Variants in IQCM observed in about 807,000 individuals in gnomAD.
IQCM encodes IQ motif containing M.
Under a neutral mutation model 57.6 loss-of-function variants are expected in IQCM, and 45 were observed. That is an observed-to-expected ratio of 0.78 (90% CI 0.62 to 1.00). The LOEUF is 1.00. Ranked by LOEUF, IQCM falls within the 50% of genes least tolerant of loss-of-function variation. The pLI, the probability that IQCM is intolerant of heterozygous loss-of-function variation, is 0.00. For missense variants in IQCM, 468 were observed against 511.6 expected (o/e 0.91, Z 0.82); for synonymous variants, 148 against 158.9 (o/e 0.93, Z 0.51).
At chr4:149,481,701 G>GTTTTTTGTT (rs1553975386) in intron 12 of IQCM, among the ~76,000 whole-genome samples, 1 of 51,550 alleles carries the variant, frequency 1.9e-5, no homozygotes, top group Non-Finnish European at 3.7e-5. Context: ...TTCCAGTTTT[G>GTTTTTTGTT]TTTTTTTTTT....
chr4:149,670,566 G>T (rs1561134580), intron 7 of IQCM, among the ~76,000 whole-genome samples: 1 of 152,080 alleles, frequency 6.6e-6, no homozygotes, highest in Non-Finnish European at 1.5e-5. Context: ...GTTTTCAAAG[G>T]GAATGTTTCC....
intron 2 of IQCM, among the ~76,000 whole-genome samples, chr4:149,744,947 T>C (rs1215242555): frequency 6.6e-6 from 1 of 152,086 alleles, no homozygotes; most frequent in Non-Finnish European, 1.5e-5. Flanking sequence ...TATAAATCCG[T>C]GAGTACTATG....
intron 7 of IQCM, among the ~76,000 whole-genome samples, chr4:149,662,825 CAT>C (rs1184344218): frequency 1.7e-4 from 26 of 152,092 alleles, no homozygotes; most frequent in Admixed American, 1.3e-4. Context: ...TTATTGGCAG[CAT>C]ACAGTTGGGT....
intron 2 of IQCM, among the ~76,000 whole-genome samples, chr4:149,750,790 A>G (rs1768363865): frequency 6.6e-6 from 1 of 152,242 alleles, no homozygotes; most frequent in Non-Finnish European, 1.5e-5. Flanking sequence ...GTTAACAGTT[A>G]AAGACAACAA....
rs190049486 is a variant in IQCM at position 149,590,661 on chromosome 4, C to T, written c.682-2664G>A. ...GTTCCCCTCCTTGTCTCCACGTGTT[C>T]TCATTGTTCAACTCCCACTTATGAG... On this transcript the variant is annotated intron_variant, in intron 8 of 13. Coordinates refer to ENST00000636793, the MANE Select transcript of IQCM (RefSeq NM_001363507.2). 8.6e-3 allele frequency among the ~76,000 whole-genome samples: 1,313 copies of T among 152,042 alleles called. 25 individuals carry two copies. Among genetic ancestry groups the T allele is most frequent in the African/African-American group, 0.029 (1,222 of 41,496 alleles).
At chr4:149,708,839 A>C (rs545392923) in intron 5 of IQCM, among the ~76,000 whole-genome samples, 1 of 152,176 alleles carries the variant, frequency 6.6e-6, no homozygotes, top group African/African-American at 2.4e-5. Context: ...TTGTCCTCAA[A>C]TGAATTTGGC....
chr4:149,617,804 G>A (rs1289605322), intron 8 of IQCM, among the ~76,000 whole-genome samples: 4 of 152,084 alleles, frequency 2.6e-5, no homozygotes, highest in African/African-American at 9.7e-5. Flanking sequence ...AAGCTAGGGA[G>A]TGAAATATCT....
chr4:149,385,326 G>A (rs1731346184), intron 13 of IQCM, among the ~76,000 whole-genome samples: 1 of 152,032 alleles, frequency 6.6e-6, no homozygotes, highest in Non-Finnish European at 1.5e-5. Flanking sequence ...ACGAGTACAA[G>A]GAAGAGGTTA....
intron 2 of IQCM, among the ~76,000 whole-genome samples, chr4:149,803,290 T>G (rs1773777714): frequency 6.6e-6 from 1 of 152,032 alleles, no homozygotes; most frequent in South Asian, 2.1e-4. Context: ...ATGTAATATA[T>G]TATATAATGG....
intron 12 of IQCM, among the ~76,000 whole-genome samples, chr4:149,481,696 G>GTTTTTTTTTTTT (rs1197852884): frequency 8.3e-4 from 28 of 33,608 alleles, no homozygotes; most frequent in Middle Eastern, 0.028. Flanking sequence ...GATTCTTCCA[G>GTTTTTTTTTTTT]TTTTGTTTTT....
chr4:149,435,408 G>T (rs974520991), intron 12 of IQCM, among the ~76,000 whole-genome samples: 1 of 152,032 alleles, frequency 6.6e-6, no homozygotes, highest in Non-Finnish European at 1.5e-5. Flanking sequence ...ACATGTTTAT[G>T]ATGATGCTGG....
chr4:149,723,701 G>C (rs1765645518), intron 5 of IQCM, among the ~76,000 whole-genome samples: 1 of 151,924 alleles, frequency 6.6e-6, no homozygotes, highest in African/African-American at 2.4e-5. Context: ...GTGTTTTGTT[G>C]AGGATTTTTG....
At chr4:149,472,501 G>C (rs1433933680) in intron 12 of IQCM, among the ~76,000 whole-genome samples, 1 of 152,126 alleles carries the variant, frequency 6.6e-6, no homozygotes, top group Non-Finnish European at 1.5e-5. Flanking sequence ...AATATTCCAT[G>C]CCCATGGATA....
At chr4:149,546,664 G>A (rs1037626174) in intron 12 of IQCM, among the ~76,000 whole-genome samples, 2 of 152,132 alleles carry the variant, frequency 1.3e-5, no homozygotes, top group African/African-American at 4.8e-5. Flanking sequence ...TTTTGATGGG[G>A]TTGTTTGTTT....
chr4:149,552,064 T>G (rs1246724791), intron 11 of IQCM, among the ~76,000 whole-genome samples: 1 of 152,216 alleles, frequency 6.6e-6, no homozygotes, highest in East Asian at 1.9e-4. Flanking sequence ...CTCCTCTCTC[T>G]CTGACTTCTT....
chr4:149,671,668 G>C (rs1209847755), intron 7 of IQCM, among the ~76,000 whole-genome samples: 6 of 152,076 alleles, frequency 3.9e-5, no homozygotes, highest in Non-Finnish European at 4.4e-5. Context: ...AGAGATTCTG[G>C]TATGTTGTGT....
intron 5 of IQCM, among the ~76,000 whole-genome samples, chr4:149,712,103 T>A (rs1466222019): frequency 6.6e-6 from 1 of 152,174 alleles, no homozygotes; most frequent in Non-Finnish European, 1.5e-5. Flanking sequence ...AGAGAAGGGA[T>A]GATCAATGTC....
At chr4:149,438,268 A>G (rs1027472483) in intron 12 of IQCM, among the ~76,000 whole-genome samples, 1 of 152,136 alleles carries the variant, frequency 6.6e-6, no homozygotes, top group Non-Finnish European at 1.5e-5. Context: ...AACAATGGCA[A>G]CAGGTAGATG....
intron 9 of IQCM, among the ~76,000 whole-genome samples, chr4:149,581,647 G>A (rs1752192696): frequency 6.6e-6 from 1 of 151,628 alleles, no homozygotes; most frequent in Non-Finnish European, 1.5e-5. Context: ...GACATGACGG[G>A]TTTCATGAGT....
Sources: allele counts gnomAD v4.1 joint callset (sites outside exome capture counted in the v4.1 genomes callset), GRCh38; gene constraint gnomAD v4.1.1; transcripts MANE v1.5; gene names NCBI Gene and HGNC (gene_info 2026-07-23, HGNC 2026-07-21).